Variants in STPG2 observed in about 807,000 individuals in gnomAD.
STPG2 encodes the protein sperm tail PG-rich repeat containing 2.
STPG2 carries 56 observed loss-of-function variants against 54.2 expected under a neutral mutation model. The ratio of observed to expected loss-of-function variants is 1.03; its 90% CI spans 0.83 to 1.29. The LOEUF (loss-of-function observed/expected upper bound fraction) is 1.29. Among genes scored for constraint, STPG2 ranks in the 50% most tolerant of loss-of-function variants. STPG2 has a pLI of 0.00. For synonymous variants in STPG2, 200 were observed against 181.8 expected (o/e 1.10, Z -0.81); for missense variants, 596 against 544.9 (o/e 1.09, Z -0.93).
chr4:98,089,727 C>A (rs1255985462), intron 5 of STPG2, among the ~76,000 whole-genome samples: 1 of 144,756 alleles, frequency 6.9e-6, no homozygotes, highest in Admixed American at 6.9e-5. Context: ...TTTTTTTTTA[C>A]TTTCTAATTA....
intron 4 of STPG2, among the ~76,000 whole-genome samples, chr4:97,507,922 T>C (rs934201332): frequency 9.9e-5 from 15 of 151,950 alleles, no homozygotes; most frequent in African/African-American, 3.4e-4. Flanking sequence ...ATAGGCACAA[T>C]TGATTAAATC....
At chr4:98,002,284 A>C (rs890470) in intron 5 of STPG2, among the ~76,000 whole-genome samples, 59,868 of 151,814 alleles carry the variant, frequency 0.39, 12,034 homozygotes, top group Middle Eastern at 0.46. Flanking sequence ...GGTAATAAGA[A>C]TACTGAGTGA....
intron 9 of STPG2, among the ~76,000 whole-genome samples, chr4:97,749,968 G>C (rs13114823): frequency 2.0e-5 from 3 of 151,452 alleles, no homozygotes; most frequent in Non-Finnish European, 4.4e-5. Context: ...AAGCATCCTA[G>C]GGATGGTACC....
chr4:97,636,628 A>T (rs1351310082), intron 10 of STPG2, among the ~76,000 whole-genome samples: 142 of 138,916 alleles, frequency 1.0e-3, no homozygotes, highest in African/African-American at 2.4e-3. Flanking sequence ...GAGAAGAATC[A>T]AATAGATGCA....
At chr4:97,903,603 A>G (rs918430919) in intron 8 of STPG2, among the ~76,000 whole-genome samples, 2 of 152,196 alleles carry the variant, frequency 1.3e-5, no homozygotes, top group Admixed American at 1.3e-4. Flanking sequence ...AAAAGAGGGG[A>G]AGGAGCCAAG....
At chr4:97,865,489 G>A (rs1304305478) in intron 8 of STPG2, among the ~76,000 whole-genome samples, 1 of 152,160 alleles carries the variant, frequency 6.6e-6, no homozygotes, top group African/African-American at 2.4e-5. Context: ...CACTGTTGGT[G>A]GGACTGTAAA....
chr4:98,114,147 T>C (rs1369932208), intron 3 of STPG2, among the ~76,000 whole-genome samples: 2 of 152,020 alleles, frequency 1.3e-5, no homozygotes, highest in Non-Finnish European at 2.9e-5. Flanking sequence ...AACAACACTT[T>C]CTCTTGCTAA....
intron 8 of STPG2, among the ~76,000 whole-genome samples, chr4:97,890,800 A>G (rs1388687415): frequency 1.3e-5 from 2 of 152,002 alleles, no homozygotes; most frequent in Non-Finnish European, 2.9e-5. Flanking sequence ...TGCCCCCAAA[A>G]TATGTGCAAC....
chr4:97,906,354 T>A (rs1438657897), intron 8 of STPG2, among the ~76,000 whole-genome samples: 1 of 152,142 alleles, frequency 6.6e-6, no homozygotes, highest in Non-Finnish European at 1.5e-5. Flanking sequence ...TAAAAGGATC[T>A]GAAATTGTGG....
intron 5 of STPG2, among the ~76,000 whole-genome samples, chr4:98,102,296 C>G (rs1000488428): frequency 6.6e-6 from 1 of 152,116 alleles, no homozygotes; most frequent in African/African-American, 2.4e-5. Context: ...GCCTGTAACC[C>G]ACATCCAGCT....
chr4:97,766,481 T>A (rs1726057452), intron 9 of STPG2, among the ~76,000 whole-genome samples: 1 of 152,078 alleles, frequency 6.6e-6, no homozygotes, highest in Admixed American at 6.5e-5. Context: ...TATGAAATGA[T>A]CGTCTATTGC....
At chr4:98,140,525 CTAA>C (rs1449456640) in intron 1 of STPG2, among the ~76,000 whole-genome samples, 1 of 151,892 alleles carries the variant, frequency 6.6e-6, no homozygotes, top group Non-Finnish European at 1.5e-5. Context: ...AAAAGAGGAA[CTAA>C]TCAAACAGGC....
chr4:97,494,291 A>T lies in STPG2; in HGVS notation c.462+218408T>A, dbSNP rs531156558. On this transcript the variant is annotated intron_variant, in intron 4 of 4. Coordinates refer to the STPG2 transcript ENST00000522676. Reference sequence around the variant, plus strand: ...CAGGTAGCATGCTGAGAAGCTTTTCAGTTGCTCATAAATGCCTTCCTCACA... The same window carrying T: ...CAGGTAGCATGCTGAGAAGCTTTTCTGTTGCTCATAAATGCCTTCCTCACA... 2.0e-4 allele frequency among the ~76,000 whole-genome samples: 30 copies of T among 151,694 alleles called. No homozygotes were observed. In the South Asian group the frequency reaches 6.0e-3, roughly 30 times the overall value.
At chr4:97,601,483 T>C (rs1733459928) in intron 10 of STPG2, among the ~76,000 whole-genome samples, 1 of 152,014 alleles carries the variant, frequency 6.6e-6, no homozygotes, top group South Asian at 2.1e-4. Context: ...TCCAATTTCT[T>C]TTTTTCCCGT....
intron 5 of STPG2, among the ~76,000 whole-genome samples, chr4:98,086,776 T>C (rs1178057478): frequency 6.6e-6 from 1 of 152,060 alleles, no homozygotes; most frequent in Non-Finnish European, 1.5e-5. Flanking sequence ...TAGTGCATTA[T>C]TGCAACCATC....
chr4:97,780,833 T>A (rs566252639), intron 9 of STPG2, among the ~76,000 whole-genome samples: 1 of 151,774 alleles, frequency 6.6e-6, no homozygotes, highest in Non-Finnish European at 1.5e-5. Context: ...GAATGACTAC[T>A]GGGTACATAA....
chr4:97,941,551 T>C (rs1158161053), intron 8 of STPG2, among the ~76,000 whole-genome samples: 1 of 152,016 alleles, frequency 6.6e-6, no homozygotes, highest in African/African-American at 2.4e-5. Context: ...TTCCCTGGGA[T>C]GTTGTAAAAG....
intron 4 of STPG2, among the ~76,000 whole-genome samples, chr4:97,506,427 G>C (rs1230341058): frequency 6.6e-6 from 1 of 151,722 alleles, no homozygotes; most frequent in Non-Finnish European, 1.5e-5. Flanking sequence ...AACGATGGCA[G>C]AATAAAGGCA....
chr4:97,695,218 A>T (rs1723531225), intron 10 of STPG2, among the ~76,000 whole-genome samples: 1 of 152,192 alleles, frequency 6.6e-6, no homozygotes. Context: ...GTGATATACC[A>T]CATAAACAGA....
Sources: allele counts gnomAD v4.1 joint callset (sites outside exome capture counted in the v4.1 genomes callset), GRCh38; gene constraint gnomAD v4.1.1; transcripts MANE v1.5; gene names NCBI Gene and HGNC (gene_info 2026-07-23, HGNC 2026-07-21).